BCL7C: variants seen among roughly 807,000 people sequenced by gnomAD.
The protein encoded by BCL7C is BAF chromatin remodeling complex subunit BCL7C.
A neutral mutation model predicts 26.2 loss-of-function variants in BCL7C; 8 were observed. The ratio of observed to expected loss-of-function variants is 0.30; its 90% CI spans 0.18 to 0.55. The LOEUF is 0.55. BCL7C is among the 20% of genes least tolerant of loss of function. The pLI, the probability that BCL7C is intolerant of heterozygous loss-of-function variation, is 0.93. For missense variants in BCL7C, 262 were observed against 298.5 expected, an observed-to-expected ratio of 0.88 and a Z score of 0.90; for synonymous variants, 90 against 116.5, an observed-to-expected ratio of 0.77 and a Z score of 1.47.
chr16:30,844,220 C>T (rs559862714), intron 5 of BCL7C, among the ~76,000 whole-genome samples: 7 of 150,736 alleles, frequency 4.6e-5, no homozygotes, highest in South Asian at 2.1e-4. Context: ...CGTGGTGGTG[C>T]GCACCTGTAG....
intron 5 of BCL7C, among the ~76,000 whole-genome samples, chr16:30,870,456 G>C (rs2054872686): frequency 6.6e-6 from 1 of 152,084 alleles, no homozygotes; most frequent in Admixed American, 6.6e-5. Context: ...CTTGAGCCCA[G>C]GAGTTTGAGA....
intron 5 of BCL7C, among the ~76,000 whole-genome samples, chr16:30,871,012 G>A (rs563344898): frequency 2.4e-4 from 36 of 152,336 alleles, no homozygotes; most frequent in Non-Finnish European, 4.0e-4. Context: ...ACCCAGCCCA[G>A]TGCTGACACA....
chr16:30,870,871 C>T (rs1438481639), intron 5 of BCL7C, among the ~76,000 whole-genome samples: 1 of 152,168 alleles, frequency 6.6e-6, no homozygotes, highest in Non-Finnish European at 1.5e-5. Context: ...GGTTCCAATC[C>T]TTGTTGCTCC....
intron 5 of BCL7C, among the ~76,000 whole-genome samples, chr16:30,841,488 C>A (rs1045644416): frequency 6.6e-6 from 1 of 152,214 alleles, no homozygotes; most frequent in Non-Finnish European, 1.5e-5. Flanking sequence ...AGGGCCATCA[C>A]TCCCTGGCTC....
intron 5 of BCL7C, among the ~76,000 whole-genome samples, chr16:30,878,380 T>A (rs1359110079): frequency 8.0e-6 from 1 of 124,674 alleles, no homozygotes; most frequent in Non-Finnish European, 1.8e-5. Flanking sequence ...AATAAAAAAA[T>A]TTAAAAAAAT....
At chr16:30,845,640 T>G (rs1388502456) in intron 5 of BCL7C, among the ~76,000 whole-genome samples, 2 of 152,212 alleles carry the variant, frequency 1.3e-5, no homozygotes, top group African/African-American at 4.8e-5. Flanking sequence ...GAGAAGATTC[T>G]TCATTGGATA....
intron 5 of BCL7C, chr16:30,851,689 A>T: frequency 1.4e-6 from 1 of 736,056 alleles, no homozygotes; most frequent in Non-Finnish European, 2.2e-6. Context: ...TAATGGTTTC[A>T]CTGGGATTCA....
At chr16:30,874,783 C>T (rs1032257142) in intron 5 of BCL7C, among the ~76,000 whole-genome samples, 2 of 152,118 alleles carry the variant, frequency 1.3e-5, no homozygotes, top group Non-Finnish European at 1.5e-5. Flanking sequence ...GATAAATCAC[C>T]CCAGACTGTT....
At chr16:30,865,131 G>A (rs1419491196) in intron 5 of BCL7C, among the ~76,000 whole-genome samples, 2 of 138,244 alleles carry the variant, frequency 1.4e-5, no homozygotes, top group Non-Finnish European at 3.0e-5. Context: ...TCACGTCACT[G>A]CACTCTATCC....
intron 5 of BCL7C, among the ~76,000 whole-genome samples, chr16:30,842,131 G>C (rs929806089): frequency 6.6e-6 from 1 of 151,966 alleles, no homozygotes; most frequent in Non-Finnish European, 1.5e-5. Flanking sequence ...CAGTGAAGTT[G>C]TTAGGGTGGG....
chr16:30,887,064 T>A (rs1489693589), downstream of BCL7C, among the ~76,000 whole-genome samples: 3 of 152,052 alleles, frequency 2.0e-5, no homozygotes, highest in Admixed American at 1.3e-4. Flanking sequence ...ATCCCAGCAC[T>A]TTGGGAGGCC....
At chr16:30,859,502 T>C (rs1596592879) in intron 5 of BCL7C, among the ~76,000 whole-genome samples, 1 of 152,162 alleles carries the variant, frequency 6.6e-6, no homozygotes, top group Non-Finnish European at 1.5e-5. Flanking sequence ...GTGACCTGCA[T>C]GTATACATCC....
At chr16:30,851,237 C>T (rs1049608794) in intron 5 of BCL7C, 8 of 287,000 alleles carry the variant, frequency 2.8e-5, no homozygotes, top group African/African-American at 1.3e-4. Flanking sequence ...TAGCCCAATT[C>T]GTTCAACATT....
chr16:30,853,058 C>T (rs1221841210), intron 5 of BCL7C, among the ~76,000 whole-genome samples: 1 of 152,016 alleles, frequency 6.6e-6, no homozygotes, highest in Non-Finnish European at 1.5e-5. Context: ...GTCTCTGCCT[C>T]CCGAGTAGCT....
chr16:30,851,246 T>A, intron 5 of BCL7C: 1 of 157,104 alleles, frequency 6.4e-6, no homozygotes, highest in Non-Finnish European at 1.4e-5. Flanking sequence ...TCGTTCAACA[T>A]TTTTTTTTTT....
downstream of BCL7C, among the ~76,000 whole-genome samples, chr16:30,886,853 C>T (rs936813982): frequency 7.9e-5 from 12 of 152,294 alleles, 1 homozygote; most frequent in Admixed American, 6.5e-4. Context: ...CCCCAAGTCC[C>T]TCTGGGCCTC....
intron 5 of BCL7C, among the ~76,000 whole-genome samples, chr16:30,853,092 C>T (rs778025320): frequency 1.3e-5 from 2 of 151,588 alleles, no homozygotes; most frequent in African/African-American, 2.4e-5. Flanking sequence ...TGCGCCACCA[C>T]GCCCAGCTAA....
intron 5 of BCL7C, among the ~76,000 whole-genome samples, chr16:30,874,495 T>C (rs1345678420): frequency 6.6e-6 from 1 of 151,940 alleles, no homozygotes; most frequent in Non-Finnish European, 1.5e-5. Flanking sequence ...CGCGTGTTTG[T>C]AGTCCCAGAC....
chr16:30,891,393 T>C (rs2055232430), intron 4 of BCL7C, among the ~76,000 whole-genome samples: 2 of 151,246 alleles, frequency 1.3e-5, no homozygotes, highest in Admixed American at 6.6e-5. Flanking sequence ...ACCCAGGAGG[T>C]GAAGGTTGCA....
Sources: gnomAD v4.1 joint callset for allele counts (sites outside exome capture counted in the v4.1 genomes callset) on GRCh38, gnomAD v4.1.1 for gene constraint, MANE v1.5 for transcripts, NCBI Gene and HGNC (gene_info 2026-07-23, HGNC 2026-07-21) for gene names.